Variants in BPI observed in about 807,000 individuals in gnomAD.
BPI encodes bactericidal permeability-increasing protein.
A neutral mutation model predicts 57.6 loss-of-function variants in BPI; 48 were observed. The ratio of observed to expected loss-of-function variants is 0.83; its 90% CI spans 0.66 to 1.06. The LOEUF is 1.06. Among genes scored for constraint, BPI ranks in the 50% least tolerant of loss-of-function variants. BPI has a pLI of 0.00. For synonymous variants in BPI, 237 were observed against 238.2 expected (o/e 0.99, Z 0.05); for missense variants, 651 against 609.7 (o/e 1.07, Z -0.71).
In BPI at chr20:38,326,446, G is replaced by C. The variant is rs5743525; in HGVS notation, c.1161+14G>C. On this transcript the variant is annotated intron_variant, in intron 10 of 14. Coordinates refer to ENST00000642449, the MANE Select transcript of BPI (RefSeq NM_001725.3). ...CTGATTGGCATGGTAAGCAGTTCCT[G>C]GGTTGGACAGATGAGGAGCCCCAGA... 6.2e-7 allele frequency: 1 copy of C among 1,608,770 alleles called. No homozygotes were observed. The highest frequency in any genetic ancestry group is 1.3e-5 in the African/African-American group (1 of 74,834).
rs371911868 is a variant in BPI at position 38,323,886 on chromosome 20, A to G, written c.773A>G (p.Glu258Gly). 3.7e-6 allele frequency: 6 copies of G among 1,614,024 alleles called. No individual in the cohort carries two copies. The African/African-American group carries it at 8.0e-5, about 22-fold the overall frequency. ...TACCCCCAGGGGGAGTTTTACAGTG[A>G]GAACCACCACAATCCACCTCCCTTT... ...DVQMKGEFYS[E>G]NHHNPPPFAP... Residue 258 changes from glutamate to glycine, a missense_variant, in exon 8 of 15, where the codon GAG (glutamate) becomes GGG (glycine). Coordinates refer to ENST00000642449, the MANE Select transcript of BPI (RefSeq NM_001725.3).
intron 6 of BPI, among the ~76,000 whole-genome samples, chr20:38,319,466 T>C: frequency 6.6e-6 from 1 of 152,152 alleles, no homozygotes; most frequent in East Asian, 1.9e-4. Flanking sequence ...GGCATTTTCT[T>C]CCTCCAGAAC....
chr20:38,317,794 C>A (rs539774061), intron 5 of BPI: 2 of 1,461,484 alleles, frequency 1.4e-6, no homozygotes, highest in South Asian at 2.4e-5. Context: ...ATAAATGGAA[C>A]AACTTCCTCA....
At chr20:38,335,984 A>T (rs975376489) in intron 14 of BPI, among the ~76,000 whole-genome samples, 1 of 152,204 alleles carries the variant, frequency 6.6e-6, no homozygotes, top group African/African-American at 2.4e-5. Context: ...GGTGCATTTA[A>T]ATATTTAACG....
intron 1 of BPI, among the ~76,000 whole-genome samples, chr20:38,305,995 T>C (rs1211085435): frequency 6.6e-6 from 1 of 152,220 alleles, no homozygotes; most frequent in Non-Finnish European, 1.5e-5. Context: ...GTGGTAGAAT[T>C]CCTGCCATTA....
intron 12 of BPI, among the ~76,000 whole-genome samples, chr20:38,332,190 G>A (rs2076746216): frequency 6.6e-6 from 1 of 152,186 alleles, no homozygotes; most frequent in Non-Finnish European, 1.5e-5. Context: ...CTAGAGGAGG[G>A]GAGATTGTTG....
intron 6 of BPI, 45 bp downstream of exon 6, chr20:38,318,521 G>C: frequency 4.4e-6 from 7 of 1,590,406 alleles, no homozygotes; most frequent in Non-Finnish European, 6.0e-6. Context: ...ACAGAAATGG[G>C]AGGGGGTGAG....
At chr20:38,332,118 C>T (rs986892920) in intron 12 of BPI, among the ~76,000 whole-genome samples, 4 of 152,096 alleles carry the variant, frequency 2.6e-5, no homozygotes, top group Admixed American at 1.3e-4. Context: ...TAGGGGGCAT[C>T]GGAAGAGATG....
intron 7 of BPI, among the ~76,000 whole-genome samples, chr20:38,323,384 G>A (rs1363292430): frequency 1.3e-5 from 2 of 152,202 alleles, no homozygotes; most frequent in Admixed American, 6.5e-5. Context: ...ACACTGGGTA[G>A]CATCAGTTTA....
intron 5 of BPI, among the ~76,000 whole-genome samples, chr20:38,314,875 G>C (rs1045703121): frequency 1.3e-5 from 2 of 151,764 alleles, no homozygotes; most frequent in African/African-American, 4.8e-5. Context: ...TGATGGTGAT[G>C]GTGATGGTGA....
At chr20:38,331,986 G>A (rs1014658591) in intron 12 of BPI, among the ~76,000 whole-genome samples, 1 of 152,190 alleles carries the variant, frequency 6.6e-6, no homozygotes, top group Non-Finnish European at 1.5e-5. Context: ...AGGAGGTGAC[G>A]TTTGGACTGA....
At chr20:38,318,918 C>A (rs1337559072) in intron 6 of BPI, among the ~76,000 whole-genome samples, 3 of 152,166 alleles carry the variant, frequency 2.0e-5, no homozygotes, top group Admixed American at 6.5e-5. Flanking sequence ...CAACACTCCC[C>A]TGAGAGAGGC....
chr20:38,317,216 G>A (rs1439772185), intron 5 of BPI, among the ~76,000 whole-genome samples: 1 of 152,214 alleles, frequency 6.6e-6, no homozygotes, highest in Non-Finnish European at 1.5e-5. Context: ...TCTTAGTGAG[G>A]AGAAGCCTGT....
chr20:38,330,669 A>T (rs2076737745), intron 11 of BPI, among the ~76,000 whole-genome samples: 1 of 152,224 alleles, frequency 6.6e-6, no homozygotes, highest in Admixed American at 6.5e-5. Flanking sequence ...AATAGTCACC[A>T]GGAGCTTCCT....
chr20:38,313,109 G>T (rs2076629262), intron 5 of BPI, among the ~76,000 whole-genome samples: 1 of 152,204 alleles, frequency 6.6e-6, no homozygotes, highest in East Asian at 1.9e-4. Flanking sequence ...ATTAGGCCGG[G>T]CATGGTGGCT....
At chr20:38,331,271 A>G (rs576463520) in intron 12 of BPI, among the ~76,000 whole-genome samples, 181 bp downstream of exon 12, 5 of 152,322 alleles carry the variant, frequency 3.3e-5, no homozygotes, top group African/African-American at 1.2e-4. Context: ...TCCCTGCTCC[A>G]TACTTACTAA....
Position 38,334,532 on chromosome 20 carries a change from G to C in BPI, c.1336+39G>C, listed in dbSNP as rs1260248407. 4.4e-6 allele frequency: 7 copies of C among 1,591,262 alleles called. No individual in the cohort carries two copies. The South Asian group carries it at 6.6e-5, about 15-fold the overall frequency. ...AAGAAACCATTCATTTTCAGTCATG[G>C]GGGAAGAGGGTGGGGTTGATTACCC... is the stretch of plus-strand genomic sequence containing the variant. On this transcript the variant is annotated intron_variant, in intron 13 of 14. Transcript: ENST00000642449.
At chr20:38,330,900 C>CG in intron 11 of BPI, 148 bp from the exon 12 acceptor site, 4 of 852,628 alleles carry the variant, frequency 4.7e-6, no homozygotes, top group Non-Finnish European at 5.7e-6. Flanking sequence ...AAGGCAACAT[C>CG]GGGGGGCTGT....
At chr20:38,328,280 C>T (rs1488824121) in intron 11 of BPI, among the ~76,000 whole-genome samples, 4 of 152,162 alleles carry the variant, frequency 2.6e-5, no homozygotes, top group Non-Finnish European at 4.4e-5. Context: ...AGGCCAGGCG[C>T]GGTGGCTCAC....
Sources: allele counts gnomAD v4.1 joint callset (sites outside exome capture counted in the v4.1 genomes callset), GRCh38; gene constraint gnomAD v4.1.1; transcripts MANE v1.5; gene names NCBI Gene and HGNC (gene_info 2026-07-23, HGNC 2026-07-21).